The following FRAS1 variants were observed in gnomAD, a reference collection of about 807,000 sequenced individuals.
The protein encoded by FRAS1 is Fraser extracellular matrix complex subunit 1, also known as extracellular matrix organizing protein FRAS1.
Under a neutral mutation model 435.2 loss-of-function variants are expected in FRAS1, and 290 were observed. The ratio of observed to expected loss-of-function variants is 0.67; its 90% CI spans 0.61 to 0.73. FRAS1 has a LOEUF of 0.73. FRAS1 is among the 30% of genes least tolerant of loss of function. FRAS1 has a pLI of 0.00. For synonymous variants in FRAS1, 1,800 were observed against 1,851.0 expected (o/e 0.97, Z 0.71); for missense variants, 4,860 against 5,001.5 (o/e 0.97, Z 0.85).
chr4:78,404,397 TGA>T (rs538403437), intron 30 of FRAS1, among the ~76,000 whole-genome samples: 87 of 147,702 alleles, frequency 5.9e-4, no homozygotes, highest in African/African-American at 1.8e-3. Context: ...AAAGCATAGG[TGA>T]GGTACTACAA....
At chr4:78,160,317 T>A (rs1426630580) in intron 2 of FRAS1, among the ~76,000 whole-genome samples, 1 of 152,240 alleles carries the variant, frequency 6.6e-6, no homozygotes, top group Admixed American at 6.5e-5. Context: ...AAATGTAGCC[T>A]GCAGTCAGGT....
chr4:78,474,709 C>G (rs1471211635), intron 53 of FRAS1, among the ~76,000 whole-genome samples: 5 of 152,150 alleles, frequency 3.3e-5, no homozygotes, highest in Non-Finnish European at 7.3e-5. Context: ...CTGCTGTCCT[C>G]ACAGCAACAA....
chr4:78,183,241 G>A (rs1267301399), intron 2 of FRAS1, among the ~76,000 whole-genome samples: 1 of 152,146 alleles, frequency 6.6e-6, no homozygotes, highest in Non-Finnish European at 1.5e-5. Context: ...GTGGAATGAT[G>A]GGTATGGACA....
intron 20 of FRAS1, among the ~76,000 whole-genome samples, chr4:78,345,851 G>A (rs528645934): frequency 1.6e-5 from 2 of 125,400 alleles, no homozygotes; most frequent in African/African-American, 6.4e-5. Context: ...CTTAAATTGA[G>A]TCCTTCCTAA....
Position 78,282,911 on chromosome 4 carries a change from C to G in FRAS1, c.1199C>G (p.Pro400Arg). The change falls in exon 12 of 74, where the codon CCA (proline) becomes CGA (arginine). Residue 400 changes from proline to arginine, a missense_variant. Physicochemically the swap from Pro to Arg is moderately radical, Grantham distance 103. Transcript: ENST00000512123. ...TACGAGCCCTCTTGCCCACCATGTC[C>G]AGTGGGCACACTGGCCTTAGAGGTG... ...TCYEPSCPPC[P>R]VGTLALEVKG... The G allele has an allele frequency of 6.2e-7, 1 of 1,611,456 alleles. No individual in the cohort carries two copies. The highest frequency in any genetic ancestry group is 8.5e-7 in the Non-Finnish European group (1 of 1,178,956).
chr4:78,267,069 G>A, intron 8 of FRAS1, 134 bp downstream of exon 8: 4 of 899,888 alleles, frequency 4.4e-6, no homozygotes, highest in Admixed American at 2.7e-5. Context: ...AAGATATGAA[G>A]GCTCTGCTTC....
At chr4:78,336,847 G>C (rs1400094768) in intron 19 of FRAS1, among the ~76,000 whole-genome samples, 1 of 152,114 alleles carries the variant, frequency 6.6e-6, no homozygotes, top group East Asian at 1.9e-4. Flanking sequence ...CCTTGGCAGA[G>C]AAGTTCTTAA....
At chr4:78,073,507 A>G (rs139753151) in intron 2 of FRAS1, among the ~76,000 whole-genome samples, 9 of 152,224 alleles carry the variant, frequency 5.9e-5, no homozygotes, top group African/African-American at 2.2e-4. Flanking sequence ...TTCACACCAA[A>G]TTGTCTTACA....
chr4:78,179,281 T>C (rs1721903261), intron 2 of FRAS1, among the ~76,000 whole-genome samples: 1 of 152,254 alleles, frequency 6.6e-6, no homozygotes, highest in Non-Finnish European at 1.5e-5. Context: ...TACATTTTTC[T>C]CATTCTTTCA....
At chr4:78,478,673 A>G (rs1039874555) in intron 55 of FRAS1, among the ~76,000 whole-genome samples, 2 of 152,220 alleles carry the variant, frequency 1.3e-5, no homozygotes, top group African/African-American at 4.8e-5. Flanking sequence ...ACACATGGAA[A>G]TTGAACCCCC....
At chr4:78,276,429 T>C (rs1424152881) in intron 9 of FRAS1, among the ~76,000 whole-genome samples, 1 of 152,224 alleles carries the variant, frequency 6.6e-6, no homozygotes, top group East Asian at 1.9e-4. Flanking sequence ...CTCTGTTTTT[T>C]CCCCATCTTT....
intron 18 of FRAS1, among the ~76,000 whole-genome samples, chr4:78,322,479 T>A (rs1729548124): frequency 6.6e-6 from 1 of 152,208 alleles, no homozygotes; most frequent in Non-Finnish European, 1.5e-5. Flanking sequence ...GAAAAACAAC[T>A]GTTTTCTAGA....
At chr4:78,224,487 T>C (rs1362975570) in intron 2 of FRAS1, among the ~76,000 whole-genome samples, 1 of 152,202 alleles carries the variant, frequency 6.6e-6, no homozygotes, top group Non-Finnish European at 1.5e-5. Context: ...TATATGTGTA[T>C]GTAATAATTG....
chr4:78,432,734 C>A, intron 38 of FRAS1, 130 bp downstream of exon 38: 1 of 995,866 alleles, frequency 1.0e-6, no homozygotes, highest in Non-Finnish European at 1.4e-6. Context: ...TTTTTCTCAG[C>A]TTCCCTACCT....
At chr4:78,306,396 C>G (rs1237177742) in intron 14 of FRAS1, among the ~76,000 whole-genome samples, 1 of 137,476 alleles carries the variant, frequency 7.3e-6, no homozygotes, top group Non-Finnish European at 1.6e-5. Context: ...TTTCCTGAAT[C>G]TGAATGTTGG....
chr4:78,363,579 G>A lies in FRAS1; in HGVS notation c.2489G>A (p.Cys830Tyr). 1 of 1,612,570 alleles carries A rather than the reference G, an allele frequency of 6.2e-7. No homozygotes were observed. The highest frequency in any genetic ancestry group is 8.5e-7 in the Non-Finnish European group (1 of 1,179,400). ...LHNTGSICLR[C>Y]QNAHYLLLGD... ...AACACTGGGAGCATCTGCCTCAGGT[G>A]CCAGAATGCCCACTACCTGCTGCTC... is the stretch of plus-strand genomic sequence containing the variant. Residue 830 changes from cysteine (C) to tyrosine (Y), a missense_variant, in exon 21 of 74, where the codon TGC becomes TAC. Physicochemically the swap from Cys to Tyr is radical, Grantham distance 194. Transcript: ENST00000512123.
Position 78,255,255 on chromosome 4 carries a change from T to C in FRAS1, c.483T>C (p.Tyr161=), listed in dbSNP as rs1253056435. Residue 161 remains tyrosine, a synonymous_variant, in exon 6 of 74, where the codon TAT becomes TAC. Transcript: ENST00000512123. ...VCVGLGKPCS[Y]EGHVFQDGED... ...TTGACCTTCCAGAACCCTGTTCCTA[T>C]GAAGGCCATGTGTTTCAGGATGGGG... The C allele has an allele frequency of 6.4e-7, 1 of 1,552,424 alleles. No individual in the cohort carries two copies. Among genetic ancestry groups the C allele is most frequent in the Admixed American group, 2.0e-5 (1 of 51,032 alleles).
intron 18 of FRAS1, among the ~76,000 whole-genome samples, chr4:78,331,535 G>A (rs1423041528): frequency 6.6e-6 from 1 of 152,164 alleles, no homozygotes; most frequent in Non-Finnish European, 1.5e-5. Context: ...CTGAACATTA[G>A]CTCCATATAT....
At chr4:78,305,709 T>G (rs1020384875) in intron 14 of FRAS1, among the ~76,000 whole-genome samples, 1 of 151,968 alleles carries the variant, frequency 6.6e-6, no homozygotes, top group Non-Finnish European at 1.5e-5. Flanking sequence ...GTTTTCCATT[T>G]GCTTGGTAGA....
Sources: allele counts gnomAD v4.1 joint callset (sites outside exome capture counted in the v4.1 genomes callset), GRCh38; gene constraint gnomAD v4.1.1; transcripts MANE v1.5; gene names NCBI Gene and HGNC (gene_info 2026-07-23, HGNC 2026-07-21).